Variants in SNAP91 observed in about 807,000 individuals in gnomAD.
The protein encoded by SNAP91 is synaptosome associated protein 91, also known as clathrin coat assembly protein AP180.
Under a neutral mutation model 100.3 loss-of-function variants are expected in SNAP91, and 27 were observed. The observed-to-expected ratio is 0.27, with a 90% confidence interval of 0.20 to 0.37. The LOEUF (loss-of-function observed/expected upper bound fraction) is 0.37, where lower values mean the gene tolerates loss of function less well. Ranked by LOEUF, SNAP91 falls within the 10% of genes least tolerant of loss-of-function variation. The probability of loss-of-function intolerance (pLI) is 1.00; values close to 1 mark genes in which losing one functional copy is unlikely to be tolerated. For missense variants in SNAP91, 986 were observed against 1,123.7 expected, an observed-to-expected ratio of 0.88 and a Z score of 1.75; for synonymous variants, 404 against 398.6, an observed-to-expected ratio of 1.01 and a Z score of -0.16.
Position 83,605,736 on chromosome 6 carries a change from C to G in SNAP91, c.1090G>C (p.Ala364Pro), listed in dbSNP as rs1304768473. 1.3e-6 allele frequency: 2 copies of G among 1,552,904 alleles called. No individual in the cohort carries two copies. Among genetic ancestry groups the G allele is most frequent in the African/African-American group, 2.7e-5 (2 of 73,110 alleles). The stretch of plus-strand genomic sequence containing the variant: ...GGTGGTGGTGGTGCTGGTGCTGCGG[C>G]TGCTGCTGCCCCTCCAGAGGAAAAG... ...PDFSSGGAAAAAAPAPPPPAG... is the reference protein window; with the variant it reads ...PDFSSGGAAAPAAPAPPPPAG... Residue 364 changes from alanine (A) to proline (P), a missense_variant, in exon 14 of 30, where the codon GCC (alanine) becomes CCC (proline). Ala to Pro is a conservative substitution (Grantham distance 27). Transcript: ENST00000369694.
chr6:83,616,648 A>G (rs2096498928), intron 10 of SNAP91, among the ~76,000 whole-genome samples: 1 of 152,160 alleles, frequency 6.6e-6, no homozygotes, highest in Non-Finnish European at 1.5e-5. Flanking sequence ...CTCATGTCCA[A>G]TGATAACAGC....
chr6:83,669,445 G>GATCTGGTTCCAAA (rs1360789330), intron 2 of SNAP91, among the ~76,000 whole-genome samples: 2 of 151,934 alleles, frequency 1.3e-5, no homozygotes, highest in Non-Finnish European at 2.9e-5. Flanking sequence ...TTGAACTTGG[G>GATCTGGTTCCAAA]AAGATATATC....
At chr6:83,660,369 C>T (rs564964362) in intron 5 of SNAP91, among the ~76,000 whole-genome samples, 1 of 152,276 alleles carries the variant, frequency 6.6e-6, no homozygotes, top group East Asian at 1.9e-4. Context: ...TGATGTTTTT[C>T]ACCACCATGG....
chr6:83,693,821 A>C (rs1030757615), intron 2 of SNAP91, among the ~76,000 whole-genome samples: 1 of 152,202 alleles, frequency 6.6e-6, no homozygotes, highest in Non-Finnish European at 1.5e-5. Context: ...TCCATGCTGA[A>C]TGCCATTTCT....
At chr6:83,563,948 A>G (rs1192455178) in intron 26 of SNAP91, among the ~76,000 whole-genome samples, 1 of 152,232 alleles carries the variant, frequency 6.6e-6, no homozygotes, top group Non-Finnish European at 1.5e-5. Flanking sequence ...CACAGATTCA[A>G]TGAAATCCCT....
intron 2 of SNAP91, among the ~76,000 whole-genome samples, chr6:83,689,055 G>A (rs1244294250): frequency 1.3e-5 from 2 of 152,094 alleles, no homozygotes; most frequent in Non-Finnish European, 2.9e-5. Flanking sequence ...AAGTAGCAAG[G>A]GTGTCTATGC....
intron 22 of SNAP91, among the ~76,000 whole-genome samples, chr6:83,586,881 T>C (rs572372512): frequency 3.3e-5 from 5 of 152,066 alleles, no homozygotes; most frequent in Admixed American, 3.3e-4. Flanking sequence ...TTGGAAGTTG[T>C]CCTCTCCAGA....
At chr6:83,662,038 A>G (rs576499988) in intron 4 of SNAP91, among the ~76,000 whole-genome samples, 39 of 152,222 alleles carry the variant, frequency 2.6e-4, no homozygotes, top group African/African-American at 9.1e-4. Flanking sequence ...GACTCGAATC[A>G]CTTTTTTTAA....
intron 2 of SNAP91, among the ~76,000 whole-genome samples, chr6:83,674,367 G>A (rs778052621): frequency 6.6e-6 from 1 of 152,130 alleles, no homozygotes; most frequent in African/African-American, 2.4e-5. Flanking sequence ...CAGGGAGGCA[G>A]AGGTTGCTGT....
chr6:83,648,730 T>A lies in SNAP91; in HGVS notation c.659-7528A>T, dbSNP rs568035964. Among the ~76,000 whole-genome samples the A allele has an allele frequency of 2.0e-5, 3 of 150,010 alleles. No homozygotes were observed. The East Asian group carries it at 6.0e-4, about 30-fold the overall frequency. On this transcript the variant is annotated intron_variant, in intron 7 of 29. Transcript: ENST00000369694. ...CAGTAACTGATGACATTGATAATTT[T>A]TATATGCTTATTAGCCATTTTATAT... is the stretch of plus-strand genomic sequence containing the variant.
chr6:83,650,112 A>C (rs1336917997), intron 7 of SNAP91, among the ~76,000 whole-genome samples: 2 of 152,148 alleles, frequency 1.3e-5, no homozygotes, highest in Admixed American at 6.5e-5. Flanking sequence ...AGCAAACTGA[A>C]TTTTTTAAGT....
In SNAP91 at chr6:83,668,009, A is replaced by T. The variant is rs538556599; in HGVS notation, c.131-2428T>A. 8.5e-5 allele frequency among the ~76,000 whole-genome samples: 13 copies of T among 152,334 alleles called. No individual in the cohort carries two copies. In the South Asian group the frequency reaches 2.5e-3, roughly 29 times the overall value. ...GAAAAAAACAAACAACCCCATCAAC[A>T]AGTGGGCAAAGGATATGAACAGACA... On this transcript the variant is annotated intron_variant, in intron 2 of 29. Transcript: ENST00000369694.
At chr6:83,689,357 C>T (rs963251541) in intron 2 of SNAP91, among the ~76,000 whole-genome samples, 2 of 152,130 alleles carry the variant, frequency 1.3e-5, no homozygotes, top group African/African-American at 4.8e-5. Context: ...ATTAAAAATT[C>T]TGTTTTTGTT....
Position 83,596,622 on chromosome 6 carries a change from C to A in SNAP91, c.1325-2141G>T, listed in dbSNP as rs140231782. 2.0e-5 allele frequency among the ~76,000 whole-genome samples: 3 copies of A among 151,844 alleles called. No individual in the cohort carries two copies. The East Asian group carries it at 5.8e-4, about 29-fold the overall frequency. The stretch of plus-strand genomic sequence containing the variant: ...TAGATAACACAACCAAAGCTTAAAG[C>A]GTGTGTGTTCTCATCACAAACAATA... On this transcript the variant is annotated intron_variant, in intron 16 of 29. Coordinates refer to ENST00000369694, the MANE Select transcript of SNAP91 (RefSeq NM_001242792.2).
At chr6:83,649,762 T>C (rs756462627) in intron 7 of SNAP91, among the ~76,000 whole-genome samples, 25 of 151,746 alleles carry the variant, frequency 1.6e-4, no homozygotes, top group Non-Finnish European at 3.5e-4. Context: ...TTTTTTTCGT[T>C]ATTTTTAGTA....
At chr6:83,588,259 T>C (rs942614730) in intron 22 of SNAP91, among the ~76,000 whole-genome samples, 1 of 152,190 alleles carries the variant, frequency 6.6e-6, no homozygotes, top group African/African-American at 2.4e-5. Context: ...TCTATACTGA[T>C]TTACATTGAA....
intron 9 of SNAP91, among the ~76,000 whole-genome samples, chr6:83,619,520 T>C (rs3798868): frequency 0.045 from 6,851 of 152,240 alleles, 196 homozygotes; most frequent in East Asian, 0.078. Flanking sequence ...TAGTTGCTTG[T>C]TTTTAAAAAT....
chr6:83,553,330 G>C lies in SNAP91; in HGVS notation c.*966C>G, dbSNP rs966848288. On this transcript the variant is annotated 3_prime_UTR_variant, in exon 30 of 30. Coordinates refer to ENST00000369694, the MANE Select transcript of SNAP91 (RefSeq NM_001242792.2). Reference sequence around the variant, plus strand: ...CTACTTTGAGCTCAGTTGAAGGATGGAAGAACACTAGTCTACAAAACACAC... The same window carrying C: ...CTACTTTGAGCTCAGTTGAAGGATGCAAGAACACTAGTCTACAAAACACAC... The C allele has an allele frequency of 6.6e-6, 1 of 152,296 alleles. No homozygotes were observed. Among genetic ancestry groups the C allele is most frequent in the African/African-American group, 2.4e-5 (1 of 41,434 alleles). The allele number at this position is 152,296 out of a possible 1,614,324, so 9.4% of individuals were successfully genotyped here.
At chr6:83,619,914 T>C (rs1203825859) in intron 9 of SNAP91, among the ~76,000 whole-genome samples, 2 of 152,208 alleles carry the variant, frequency 1.3e-5, no homozygotes, top group African/African-American at 4.8e-5. Context: ...CATAAGATCA[T>C]TCAAATTCTT....
Sources: allele counts gnomAD v4.1 joint callset (sites outside exome capture counted in the v4.1 genomes callset), GRCh38; gene constraint gnomAD v4.1.1; transcripts MANE v1.5; gene names NCBI Gene and HGNC (gene_info 2026-07-23, HGNC 2026-07-21).